The following BRF1 variants were observed in gnomAD, a reference collection of about 807,000 sequenced individuals.
The protein encoded by BRF1 is BRF1 general transcription factor IIIB subunit.
Under a neutral mutation model 81.7 loss-of-function variants are expected in BRF1, and 59 were observed. That is an observed-to-expected ratio of 0.72 (90% CI 0.59 to 0.90). BRF1 has a LOEUF of 0.90. BRF1 is among the 40% of genes least tolerant of loss of function. BRF1 has a pLI of 0.00. For missense variants in BRF1, 1,050 were observed against 936.3 expected (o/e 1.12, Z -1.58); for synonymous variants, 491 against 395.6 (o/e 1.24, Z -2.86).
In BRF1 at chr14:105,241,370, C is replaced by T. The variant is rs1047774060; in HGVS notation, c.589G>A (p.Gly197Arg). Reference protein sequence around the residue: ...IPRFAHLLEFGEKNHEVSMTA... With the variant: ...IPRFAHLLEFREKNHEVSMTA... The stretch of plus-strand genomic sequence containing the variant: ...ATGGACACCTCGTGGTTCTTCTCCC[C>T]GAATTCCAGCAGGTGCGCAAAGCGT... The change falls in exon 6 of 18, where the codon GGG (glycine) becomes AGG (arginine). Residue 197 changes from glycine (G) to arginine (R), a missense_variant. Physicochemically the swap from Gly to Arg is moderately radical, Grantham distance 125. Transcript: ENST00000547530. 6 of 1,612,648 alleles carry T rather than the reference C, an allele frequency of 3.7e-6. No homozygotes were observed. Among genetic ancestry groups the T allele is most frequent in the Non-Finnish European group, 4.2e-6 (5 of 1,179,924 alleles).
chr14:105,227,355 G>A (rs1184953038), intron 7 of BRF1: 1 of 153,516 alleles, frequency 6.5e-6, no homozygotes, highest in African/African-American at 2.4e-5. Context: ...AGGAGGCGGA[G>A]CTTGCAGTGA....
chr14:105,252,612 T>C, intron 4 of BRF1, 33 bp from the exon 5 acceptor site: 4 of 1,602,264 alleles, frequency 2.5e-6, no homozygotes, highest in Non-Finnish European at 3.4e-6. Flanking sequence ...AGAAACAGCA[T>C]TGGTATTTAA....
intron 7 of BRF1, among the ~76,000 whole-genome samples, chr14:105,228,601 C>T (rs587659906): frequency 3.2e-4 from 49 of 151,942 alleles, no homozygotes; most frequent in Non-Finnish European, 4.0e-4. Context: ...AGGATAGGGC[C>T]GGCCCCAGAA....
intron 2 of BRF1, among the ~76,000 whole-genome samples, chr14:105,285,964 T>C (rs988888378): frequency 6.6e-6 from 1 of 152,222 alleles, no homozygotes; most frequent in African/African-American, 2.4e-5. Flanking sequence ...ACTGGCACTT[T>C]GACAAAACGC....
At chr14:105,217,457 C>A in intron 15 of BRF1, 87 bp downstream of exon 15, 11 of 1,551,774 alleles carry the variant, frequency 7.1e-6, no homozygotes, top group Admixed American at 1.8e-5. Context: ...CCCCGGCTGG[C>A]CCCCGGCAGC....
intron 15 of BRF1, 172 bp downstream of exon 15, chr14:105,217,372 A>G: frequency 9.7e-7 from 1 of 1,030,820 alleles, no homozygotes; most frequent in Non-Finnish European, 1.4e-6. Flanking sequence ...GAGTTGAGAC[A>G]CTGTCAAGGT....
At chr14:105,241,165 T>A in intron 6 of BRF1, 100 bp downstream of exon 6, 1 of 1,532,934 alleles carries the variant, frequency 6.5e-7, no homozygotes, top group African/African-American at 1.4e-5. Context: ...CTCTCAGTGC[T>A]CTGCAAACAT....
chr14:105,216,228 G>C (rs587744823), intron 15 of BRF1, among the ~76,000 whole-genome samples: 2 of 152,340 alleles, frequency 1.3e-5, no homozygotes, highest in Admixed American at 6.5e-5. Flanking sequence ...TGTGACAGAG[G>C]GGGCTGTGAA....
At chr14:105,247,958 C>T in intron 5 of BRF1, 1 of 985,494 alleles carries the variant, frequency 1.0e-6, no homozygotes, top group Non-Finnish European at 1.2e-6. Flanking sequence ...CTGCGATCCA[C>T]AGGCAGAGCC....
chr14:105,266,328 G>T (rs763972407), intron 3 of BRF1, among the ~76,000 whole-genome samples: 3 of 152,120 alleles, frequency 2.0e-5, no homozygotes, highest in Non-Finnish European at 4.4e-5. Context: ...CGAGAGAGTC[G>T]CCTGAGCCAG....
chr14:105,221,517 C>G lies in BRF1; in HGVS notation c.1315+131G>C, dbSNP rs1404339190. 6 of 1,333,444 alleles carry G rather than the reference C, an allele frequency of 4.5e-6. No homozygotes were observed. In the South Asian group the frequency reaches 7.5e-5, roughly 17 times the overall value. The allele number at this position is 1,333,444 out of a possible 1,614,324, so 82.6% of individuals were successfully genotyped here. Reference sequence around the variant, plus strand: ...TTGGGGGGACTGGTGGTGCCACCACCCAAGCCCACCGCCCGAGACCACCAC... The same window carrying G: ...TTGGGGGGACTGGTGGTGCCACCACGCAAGCCCACCGCCCGAGACCACCAC... On this transcript the variant is annotated intron_variant, in intron 11 of 17. Coordinates refer to ENST00000547530, the MANE Select transcript of BRF1 (RefSeq NM_001519.4).
chr14:105,214,095 C>G (rs117780681), intron 15 of BRF1, among the ~76,000 whole-genome samples: 17 of 152,234 alleles, frequency 1.1e-4, no homozygotes, highest in African/African-American at 3.9e-4. Context: ...TGCTCCCTCT[C>G]GCAGCCGCGC....
At position 105,315,219 on chromosome 14, in the gene BRF1, C is replaced by T. The variant is rs2058526213; in HGVS notation, c.-162+103G>A. ...CCCCCCGCAGCTCCGGCAAGCGCGG[C>T]CCCAGCCCCCCAGGTCCCGAGCACC... On this transcript the variant is annotated intron_variant, in intron 1 of 17. Coordinates refer to the BRF1 transcript ENST00000327359. The surrounding 1 kb of genome is among the most constrained non-coding windows in gnomAD (Gnocchi z 4.4). The T allele has an allele frequency of 4.9e-6, 1 of 203,346 alleles. No homozygotes were observed. The highest frequency in any genetic ancestry group is 9.0e-6 in the Non-Finnish European group (1 of 111,274). The allele number at this position is 203,346 out of a possible 1,614,324, so 12.6% of individuals were successfully genotyped here.
Position 105,271,193 on chromosome 14 carries a change from T to C in BRF1, c.439+1528A>G, listed in dbSNP as rs1431623976. 6.6e-6 allele frequency among the ~76,000 whole-genome samples: 1 copy of C among 152,198 alleles called. No homozygotes were observed. The highest frequency in any genetic ancestry group is 1.5e-5 in the Non-Finnish European group (1 of 68,036). Reference sequence around the variant, plus strand: ...GATGAGATAACACATGGGTTCAGTGTGGCAGGCAGAGTAACAGAGAAGAAG... The same window carrying C: ...GATGAGATAACACATGGGTTCAGTGCGGCAGGCAGAGTAACAGAGAAGAAG... On this transcript the variant is annotated intron_variant, in intron 3 of 17. Coordinates refer to ENST00000547530, the MANE Select transcript of BRF1 (RefSeq NM_001519.4). This position sits in a 1 kb window ranked among gnomAD's most constrained non-coding sequence, Gnocchi z 5.5.
intron 10 of BRF1, among the ~76,000 whole-genome samples, chr14:105,224,549 TTG>T (rs1264388231): frequency 6.6e-6 from 1 of 152,130 alleles, no homozygotes; most frequent in Non-Finnish European, 1.5e-5. Flanking sequence ...ACTCTGGATT[TTG>T]TGTGTGTGTA....
upstream of BRF1, among the ~76,000 whole-genome samples, chr14:105,302,344 C>T (rs1260208808): frequency 6.6e-6 from 1 of 151,316 alleles, no homozygotes; most frequent in Admixed American, 6.6e-5. Context: ...GCTGGGATTA[C>T]AGGTATGCAC....
intron 1 of BRF1, among the ~76,000 whole-genome samples, chr14:105,289,532 C>A (rs1226276916): frequency 6.6e-6 from 1 of 152,218 alleles, no homozygotes; most frequent in Non-Finnish European, 1.5e-5. Context: ...CACTGATGAG[C>A]CAATTCTAAA....
Position 105,210,527 on chromosome 14 carries a change from C to T in BRF1, c.*24G>A. The T allele has an allele frequency of 1.2e-6, 2 of 1,609,908 alleles. No individual in the cohort carries two copies. The highest frequency in any genetic ancestry group is 2.7e-5 in the African/African-American group (2 of 75,016). On this transcript the variant is annotated 3_prime_UTR_variant, in exon 18 of 18. Transcript: ENST00000547530. The surrounding 1 kb of genome is among the most constrained non-coding windows in gnomAD (Gnocchi z 4.7). Reference sequence around the variant, plus strand: ...AGACCCGCGAGGCCCCCTGCCAGGACATCACCTGCCTGGAGGCCACACTTC... The same window carrying T: ...AGACCCGCGAGGCCCCCTGCCAGGATATCACCTGCCTGGAGGCCACACTTC...
chr14:105,249,633 C>T lies in BRF1; in HGVS notation c.544+2874G>A, dbSNP rs144271719. 4.7e-3 allele frequency: 7,556 copies of T among 1,601,050 alleles called. 23 individuals are homozygous for T. Among genetic ancestry groups the T allele is most frequent in the Non-Finnish European group, 5.4e-3 (6,314 of 1,172,016 alleles). On this transcript the variant is annotated intron_variant, in intron 5 of 17. Coordinates refer to ENST00000547530, the MANE Select transcript of BRF1 (RefSeq NM_001519.4). ...CCAGCCCCTGACGCGGGCCCTGCCTCGCCTAGGTACATGTACAGTGATGAG... is the reference window on the plus strand; with the variant it reads ...CCAGCCCCTGACGCGGGCCCTGCCTTGCCTAGGTACATGTACAGTGATGAG...
Sources: gnomAD v4.1 joint callset for allele counts (sites outside exome capture counted in the v4.1 genomes callset) on GRCh38, gnomAD v4.1.1 for gene constraint, Gnocchi (gnomAD v3.1) non-coding constraint, MANE v1.5 for transcripts, NCBI Gene and HGNC (gene_info 2026-07-23, HGNC 2026-07-21) for gene names.